PTPRN2: variants seen among roughly 807,000 people sequenced by gnomAD.
PTPRN2 encodes protein tyrosine phosphatase receptor type N2, also known as receptor-type tyrosine-protein phosphatase N2.
PTPRN2 carries 74 observed loss-of-function variants against 118.8 expected under a neutral mutation model. The ratio of observed to expected loss-of-function variants is 0.62; its 90% CI spans 0.52 to 0.76. The LOEUF (loss-of-function observed/expected upper bound fraction) is 0.76, where lower values mean the gene tolerates loss of function less well. Among genes scored for constraint, PTPRN2 ranks in the 30% least tolerant of loss-of-function variants. PTPRN2 has a pLI of 0.00. For missense variants in PTPRN2, 1,481 were observed against 1,394.4 expected (o/e 1.06, Z -0.99); for synonymous variants, 641 against 608.0 (o/e 1.05, Z -0.80).
At chr7:157,995,168 C>T (rs955566398) in intron 11 of PTPRN2, among the ~76,000 whole-genome samples, 4 of 148,460 alleles carry the variant, frequency 2.7e-5, no homozygotes, top group South Asian at 2.1e-4. Flanking sequence ...AAATCAACGC[C>T]ACGTCCCCAG....
intron 12 of PTPRN2, among the ~76,000 whole-genome samples, chr7:157,802,287 G>T (rs562275405): frequency 6.6e-6 from 1 of 152,128 alleles, no homozygotes; most frequent in Non-Finnish European, 1.5e-5. Context: ...TCTCTTCTTC[G>T]GTGCGTTCAA....
At chr7:157,814,361 C>T (rs2151124245) in intron 12 of PTPRN2, among the ~76,000 whole-genome samples, 1 of 152,198 alleles carries the variant, frequency 6.6e-6, no homozygotes, top group South Asian at 2.1e-4. Flanking sequence ...GCAATGGCTT[C>T]CTCAGCGTTT....
At chr7:158,185,998 C>T (rs1825098550) in intron 5 of PTPRN2, among the ~76,000 whole-genome samples, 1 of 113,532 alleles carries the variant, frequency 8.8e-6, no homozygotes, top group Non-Finnish European at 1.9e-5. Context: ...TGCTCCTTGG[C>T]AGGATTTCTC....
chr7:158,050,090 G>A (rs1471831239), intron 11 of PTPRN2, among the ~76,000 whole-genome samples: 3 of 152,220 alleles, frequency 2.0e-5, no homozygotes, highest in Non-Finnish European at 2.9e-5. Flanking sequence ...TGGGCACATT[G>A]TGATTTATAT....
At chr7:157,772,273 A>T (rs1170556171) in intron 12 of PTPRN2, among the ~76,000 whole-genome samples, 2 of 151,962 alleles carry the variant, frequency 1.3e-5, no homozygotes, top group African/African-American at 4.8e-5. Flanking sequence ...ACCCATACAG[A>T]CATACACAGA....
At chr7:158,348,899 C>T (rs548027222) in intron 2 of PTPRN2, among the ~76,000 whole-genome samples, 30 of 150,922 alleles carry the variant, frequency 2.0e-4, no homozygotes, top group East Asian at 9.9e-4. Flanking sequence ...TCCCTGAGGG[C>T]ACTGCTGAGG....
intron 2 of PTPRN2, among the ~76,000 whole-genome samples, chr7:158,429,123 C>T (rs1479908975): frequency 6.6e-6 from 1 of 152,214 alleles, no homozygotes; most frequent in African/African-American, 2.4e-5. Flanking sequence ...TAAGAACATG[C>T]TTCCGGATCC....
At chr7:158,268,958 CATT>C (rs10560555) in intron 3 of PTPRN2, among the ~76,000 whole-genome samples, 19,166 of 151,372 alleles carry the variant, frequency 0.13, 1,397 homozygotes, top group East Asian at 0.23. Context: ...ATCGCAGCCA[CATT>C]GTTGTTGAAA....
intron 2 of PTPRN2, among the ~76,000 whole-genome samples, chr7:158,388,803 A>T (rs1328604345): frequency 6.6e-6 from 1 of 152,180 alleles, no homozygotes; most frequent in Admixed American, 6.5e-5. Context: ...AGCACACAAA[A>T]GACACTCATC....
intron 14 of PTPRN2, among the ~76,000 whole-genome samples, chr7:157,644,345 C>T (rs1037368149): frequency 2.0e-5 from 3 of 152,150 alleles, no homozygotes; most frequent in South Asian, 4.1e-4. Context: ...TTCTGGCCTC[C>T]GAAACTGTGA....
intron 2 of PTPRN2, among the ~76,000 whole-genome samples, chr7:158,354,662 C>A (rs1305536455): frequency 6.6e-6 from 1 of 152,050 alleles, no homozygotes; most frequent in Non-Finnish European, 1.5e-5. Flanking sequence ...GAATGAAAGA[C>A]AACCTACAAG....
At chr7:158,274,609 C>G (rs1043304425) in intron 3 of PTPRN2, among the ~76,000 whole-genome samples, 2 of 152,146 alleles carry the variant, frequency 1.3e-5, no homozygotes, top group African/African-American at 4.8e-5. Flanking sequence ...CCCAGCTTGT[C>G]AGCAGCCTTC....
chr7:158,569,486 G>T (rs1385782079), intron 1 of PTPRN2, among the ~76,000 whole-genome samples: 1 of 152,272 alleles, frequency 6.6e-6, no homozygotes, highest in Non-Finnish European at 1.5e-5. Context: ...AGGAGCTCGC[G>T]CACGCCAGGC....
At chr7:157,562,268 G>A (rs1799230853) in intron 21 of PTPRN2, among the ~76,000 whole-genome samples, 1 of 152,182 alleles carries the variant, frequency 6.6e-6, no homozygotes, top group Non-Finnish European at 1.5e-5. Context: ...ACCTAATCAG[G>A]AGGAGAAAAT....
At chr7:158,203,225 CAAAAAAAAAAAAA>C (rs56016358) in intron 4 of PTPRN2, among the ~76,000 whole-genome samples, 8 of 50,340 alleles carry the variant, frequency 1.6e-4, no homozygotes, top group East Asian at 1.3e-3. Flanking sequence ...AAGCAAGAGC[CAAAAAAAAAAAAA>C]AAAAAAAAAA....
intron 11 of PTPRN2, among the ~76,000 whole-genome samples, chr7:158,053,010 C>A (rs554559417): frequency 6.6e-6 from 1 of 152,320 alleles, no homozygotes; most frequent in South Asian, 2.1e-4. Flanking sequence ...CCCAGGCTGG[C>A]CCCCATCGAT....
At chr7:158,337,291 T>C (rs1805805896) in intron 2 of PTPRN2, among the ~76,000 whole-genome samples, 1 of 150,748 alleles carries the variant, frequency 6.6e-6, no homozygotes, top group African/African-American at 2.4e-5. Context: ...ACTCTCACCA[T>C]AAGAGCTGTC....
intron 4 of PTPRN2, among the ~76,000 whole-genome samples, chr7:158,202,417 G>C (rs1175243662): frequency 6.6e-6 from 1 of 152,054 alleles, no homozygotes; most frequent in Non-Finnish European, 1.5e-5. Context: ...TCAGCAGGAG[G>C]GACAGCATGA....
Position 158,228,824 on chromosome 7 carries a change from C to T in PTPRN2, c.278-23551G>A, listed in dbSNP as rs528170502. On this transcript the variant is annotated intron_variant, in intron 3 of 22. Transcript: ENST00000389418. ...ACCTCTTGGGGGCCCTGGCTGGAGACCTGTTCCTGCTTCAACCCATGGGAA... is the reference window on the plus strand; with the variant it reads ...ACCTCTTGGGGGCCCTGGCTGGAGATCTGTTCCTGCTTCAACCCATGGGAA... Among the ~76,000 whole-genome samples, 5 of 152,184 alleles carry T rather than the reference C, an allele frequency of 3.3e-5. No individual in the cohort carries two copies. The South Asian group carries it at 1.0e-3, about 32-fold the overall frequency.
Sources: gnomAD v4.1 joint callset for allele counts (sites outside exome capture counted in the v4.1 genomes callset) on GRCh38, gnomAD v4.1.1 for gene constraint, MANE v1.5 for transcripts, NCBI Gene and HGNC (gene_info 2026-07-23, HGNC 2026-07-21) for gene names.